The following PTPRR variants were observed in gnomAD, a reference collection of about 807,000 sequenced individuals.
The protein encoded by PTPRR is receptor-type tyrosine-protein phosphatase R.
Under a neutral mutation model 77.2 loss-of-function variants are expected in PTPRR, and 38 were observed. The ratio of observed to expected loss-of-function variants is 0.49; its 90% CI spans 0.38 to 0.65. The LOEUF is 0.65. Ranked by LOEUF, PTPRR falls within the 30% of genes least tolerant of loss-of-function variation. The probability of loss-of-function intolerance (pLI) is 0.00; values close to 1 mark genes in which losing one functional copy is unlikely to be tolerated. For missense variants in PTPRR, 744 were observed against 799.2 expected (o/e 0.93, Z 0.83); for synonymous variants, 299 against 283.1 (o/e 1.06, Z -0.57).
At chr12:70,814,713 T>C (rs1180133343) in intron 2 of PTPRR, among the ~76,000 whole-genome samples, 1 of 152,128 alleles carries the variant, frequency 6.6e-6, no homozygotes, top group Non-Finnish European at 1.5e-5. Context: ...AGGCTGAATG[T>C]AGGTAGCTTC....
intron 2 of PTPRR, among the ~76,000 whole-genome samples, chr12:70,886,418 A>G (rs1893240778): frequency 6.6e-6 from 1 of 152,216 alleles, no homozygotes; most frequent in Non-Finnish European, 1.5e-5. Context: ...GGAGTAGATC[A>G]TTGAATTTCT....
intron 10 of PTPRR, among the ~76,000 whole-genome samples, chr12:70,678,709 T>C (rs534425599): frequency 2.0e-5 from 3 of 152,312 alleles, no homozygotes; most frequent in South Asian, 4.1e-4. Context: ...TCTCTCTCTC[T>C]GTCTCCCAAC....
chr12:70,876,977 G>C (rs1412598427), intron 2 of PTPRR, among the ~76,000 whole-genome samples: 1 of 152,202 alleles, frequency 6.6e-6, no homozygotes, highest in East Asian at 1.9e-4. Flanking sequence ...TGTCTCACAA[G>C]AAGGGTGGAC....
chr12:70,756,452 CAA>C (rs1253674179), intron 4 of PTPRR, among the ~76,000 whole-genome samples: 5 of 152,092 alleles, frequency 3.3e-5, no homozygotes, highest in African/African-American at 1.2e-4. Flanking sequence ...GCTCACAAAT[CAA>C]AAGACTATAA....
At chr12:70,691,945 C>T (rs1248835826) in intron 8 of PTPRR, among the ~76,000 whole-genome samples, 1 of 152,194 alleles carries the variant, frequency 6.6e-6, no homozygotes, top group East Asian at 1.9e-4. Context: ...GTCATCCATA[C>T]TTCCCAATTG....
chr12:70,879,120 A>G (rs1196462142), intron 2 of PTPRR, among the ~76,000 whole-genome samples: 1 of 152,030 alleles, frequency 6.6e-6, no homozygotes, highest in Non-Finnish European at 1.5e-5. Flanking sequence ...GGGGAGGGGG[A>G]AGGGAAAGCA....
At chr12:70,909,315 C>T (rs1049928129) in intron 1 of PTPRR, among the ~76,000 whole-genome samples, 1 of 152,194 alleles carries the variant, frequency 6.6e-6, no homozygotes. Context: ...CCCCACCACA[C>T]ACACATCAAA....
At chr12:70,802,794 T>C (rs1213934513) in intron 2 of PTPRR, among the ~76,000 whole-genome samples, 2 of 152,220 alleles carry the variant, frequency 1.3e-5, no homozygotes, top group Admixed American at 6.5e-5. Context: ...TTTCAATATA[T>C]GATTCTGTGA....
intron 10 of PTPRR, among the ~76,000 whole-genome samples, chr12:70,683,200 C>T (rs958041949): frequency 6.6e-6 from 1 of 152,118 alleles, no homozygotes; most frequent in Non-Finnish European, 1.5e-5. Context: ...TTCTTAAATT[C>T]TTACTGTCAT....
At chr12:70,786,876 A>AT (rs1383030336) in intron 2 of PTPRR, among the ~76,000 whole-genome samples, 2 of 152,090 alleles carry the variant, frequency 1.3e-5, no homozygotes, top group East Asian at 3.9e-4. Context: ...AGTAATCCTG[A>AT]TTTTTTCTGT....
intron 6 of PTPRR, among the ~76,000 whole-genome samples, chr12:70,716,395 G>A (rs1191826008): frequency 6.7e-6 from 1 of 150,370 alleles, no homozygotes; most frequent in Non-Finnish European, 1.5e-5. Context: ...TTATATACAT[G>A]TACTATTATA....
chr12:70,657,236 GC>G (rs1886618377), intron 12 of PTPRR, among the ~76,000 whole-genome samples: 1 of 152,092 alleles, frequency 6.6e-6, no homozygotes, highest in South Asian at 2.1e-4. Flanking sequence ...GAATGGTGAT[GC>G]CCTGAGGCCA....
intron 2 of PTPRR, among the ~76,000 whole-genome samples, chr12:70,770,041 A>G (rs1205097689): frequency 6.6e-6 from 1 of 151,974 alleles, no homozygotes; most frequent in Non-Finnish European, 1.5e-5. Flanking sequence ...CATTAGACCT[A>G]AAACCATAAA....
intron 5 of PTPRR, among the ~76,000 whole-genome samples, chr12:70,751,406 A>G (rs1890394074): frequency 6.6e-6 from 1 of 151,972 alleles, no homozygotes; most frequent in Non-Finnish European, 1.5e-5. Flanking sequence ...CTCCTTCCAC[A>G]ACTCTCCCCA....
At chr12:70,824,861 A>AT (rs1892082075) in intron 2 of PTPRR, among the ~76,000 whole-genome samples, 1 of 152,224 alleles carries the variant, frequency 6.6e-6, no homozygotes, top group South Asian at 2.1e-4. Flanking sequence ...GCTAGAATTA[A>AT]CAATCATGAA....
chr12:70,879,350 T>C (rs1192656891), intron 2 of PTPRR, among the ~76,000 whole-genome samples: 1 of 151,656 alleles, frequency 6.6e-6, no homozygotes, highest in African/African-American at 2.4e-5. Context: ...TTATTTTTAA[T>C]GTTGATAAAC....
chr12:70,872,667 T>C, intron 2 of PTPRR, among the ~76,000 whole-genome samples: 1 of 121,830 alleles, frequency 8.2e-6, no homozygotes. Flanking sequence ...TGCACTCCAA[T>C]CTGGGCGACA....
rs78245750 is a variant in PTPRR, at chr12:70,829,680, G to A, written c.357+62999C>T. 1.3e-3 allele frequency among the ~76,000 whole-genome samples: 204 copies of A among 152,204 alleles called. 1 individual carries two copies. Among genetic ancestry groups the A allele is most frequent in the African/African-American group, 4.7e-3 (194 of 41,532 alleles). ...TGGACTGAGAAGTGTTTTTCAATTA[G>A]GGATATACCAGTTGAGAACTTTGAC... On this transcript the variant is annotated intron_variant, in intron 2 of 13. Coordinates refer to ENST00000283228, the MANE Select transcript of PTPRR (RefSeq NM_002849.4).
At chr12:70,713,184 T>C (rs899787034) in intron 6 of PTPRR, among the ~76,000 whole-genome samples, 1 of 152,194 alleles carries the variant, frequency 6.6e-6, no homozygotes, top group African/African-American at 2.4e-5. Flanking sequence ...TTACGTAGCA[T>C]AAATGTTTTC....
Sources: allele counts gnomAD v4.1 joint callset (sites outside exome capture counted in the v4.1 genomes callset), GRCh38; gene constraint gnomAD v4.1.1; transcripts MANE v1.5; gene names NCBI Gene and HGNC (gene_info 2026-07-23, HGNC 2026-07-21).